Variants in RNASEH1 observed in about 807,000 individuals in gnomAD.
RNASEH1 encodes the protein ribonuclease H type II.
Under a neutral mutation model 34.6 loss-of-function variants are expected in RNASEH1, and 27 were observed. That is an observed-to-expected ratio of 0.78 (90% CI 0.58 to 1.08). RNASEH1 has a LOEUF of 1.08. Among genes scored for constraint, RNASEH1 ranks in the 50% least tolerant of loss-of-function variants. The pLI is 0.00. For missense variants in RNASEH1, 349 were observed against 373.6 expected, an observed-to-expected ratio of 0.93 and a Z score of 0.54; for synonymous variants, 162 against 138.4, an observed-to-expected ratio of 1.17 and a Z score of -1.20.
intron 2 of RNASEH1, among the ~76,000 whole-genome samples, chr2:3,553,738 A>G (rs1382993235): frequency 6.6e-6 from 1 of 151,972 alleles, no homozygotes; most frequent in Non-Finnish European, 1.5e-5. Context: ...AAGGGCCCAT[A>G]TCTCACTCAC....
chr2:3,545,079 TCTTA>T lies in RNASEH1; in HGVS notation c.*702_*705del, dbSNP rs958379548. 2 of 148,786 alleles carry T rather than the reference TCTTA, an allele frequency of 1.3e-5. No homozygotes were observed. Among genetic ancestry groups the T allele is most frequent in the African/African-American group, 4.9e-5 (2 of 40,864 alleles). The allele number at this position is 148,786 out of a possible 1,614,324, so 9.2% of individuals were successfully genotyped here. A position where few individuals can be genotyped will look rare whatever the true frequency, so the allele number is the denominator to read the frequency against. ...AGTGAGCCACTGTGCCCAGCCGGTG[TCTTA>T]CTTTTTTTTTTTTTTTTTTAATTTG... is the stretch of plus-strand genomic sequence containing the variant. On this transcript the variant is annotated 3_prime_UTR_variant, in exon 8 of 8. Transcript: ENST00000315212.
At chr2:3,536,405 T>C in the RNASEH1 span, among the ~76,000 whole-genome samples, 1 of 151,074 alleles carries the variant, frequency 6.6e-6, no homozygotes, top group African/African-American at 2.4e-5. Context: ...GGGACCAAGC[T>C]TGAGTCCACC....
chr2:3,546,958 A>G (rs963045889), intron 7 of RNASEH1, among the ~76,000 whole-genome samples: 2 of 152,170 alleles, frequency 1.3e-5, no homozygotes, highest in African/African-American at 4.8e-5. Context: ...CTCCATCGCT[A>G]CTAAAAATAC....
At position 3,544,429 on chromosome 2, in the gene RNASEH1, C is replaced by T. The variant is rs928313364; in HGVS notation, c.*1356G>A. ...TAAACGGCAGGGAAAACAGTGAGGC[C>T]GACGGGACTGCAAATGGACACTGAA... On this transcript the variant is annotated 3_prime_UTR_variant, in exon 8 of 8. Transcript: ENST00000315212. Among the ~76,000 whole-genome samples, 9 of 151,824 alleles carry T rather than the reference C, an allele frequency of 5.9e-5. No individual in the cohort carries two copies. The East Asian group carries it at 1.2e-3, about 20-fold the overall frequency.
rs767906431 is a variant in RNASEH1, at chr2:3,552,254, C to G, written c.299G>C (p.Arg100Pro). The G allele has an allele frequency of 6.2e-7, 1 of 1,614,010 alleles. No individual in the cohort carries two copies. Among genetic ancestry groups the G allele is most frequent in the South Asian group, 1.1e-5 (1 of 91,078 alleles). Residue 100 changes from arginine (R) to proline (P), a missense_variant, in exon 3 of 8, where the codon CGT becomes CCT. Physicochemically the swap from Arg to Pro is moderately radical, Grantham distance 103 (BLOSUM62 -2). Transcript: ENST00000315212. Reference protein sequence around the residue: ...ESEAKASKRLREPLDGDGHES... With the variant: ...ESEAKASKRLPEPLDGDGHES... ...ATGTCCATCTCCATCCAGTGGCTCA[C>G]GGAGTCGCTTGCTGGCTTTCGCCTC...
chr2:3,541,068 A>C (rs1336216435), downstream of RNASEH1, among the ~76,000 whole-genome samples: 20 of 152,024 alleles, frequency 1.3e-4, no homozygotes, highest in Admixed American at 1.2e-3. Context: ...CTGGGCTCAC[A>C]CTGTAATCCC....
At chr2:3,539,368 A>G (rs372512752), downstream of RNASEH1, among the ~76,000 whole-genome samples, 1 of 152,128 alleles carries the variant, frequency 6.6e-6, no homozygotes, top group African/African-American at 2.4e-5. Context: ...ACCACCATAT[A>G]CTGGCGGCTT....
intron 3 of RNASEH1, 70 bp downstream of exon 3, chr2:3,552,074 G>A (rs1475337643): frequency 2.2e-6 from 3 of 1,333,486 alleles, no homozygotes; most frequent in Non-Finnish European, 3.1e-6. Flanking sequence ...CCATCAAGTG[G>A]GAAACACCTT....
intron 2 of RNASEH1, among the ~76,000 whole-genome samples, chr2:3,554,237 G>A (rs990793169): frequency 1.3e-5 from 2 of 152,136 alleles, no homozygotes; most frequent in African/African-American, 4.8e-5. Flanking sequence ...GTTCCTCTAG[G>A]TACTCTACTG....
intron 2 of RNASEH1, among the ~76,000 whole-genome samples, chr2:3,553,352 C>T (rs1660174506): frequency 6.6e-6 from 1 of 151,702 alleles, no homozygotes; most frequent in African/African-American, 2.4e-5. Flanking sequence ...TTTTCTTCTG[C>T]AACGAAGTTT....
Position 3,542,057 on chromosome 2 carries a change from A to G in RNASEH1, c.*3728T>C, listed in dbSNP as rs1668352334. ...TTAAAACTCAAAAAGAAACAAAGAA[A>G]GAGATAAAAGAGATTCAAGAGACAG... On this transcript the variant is annotated 3_prime_UTR_variant, in exon 8 of 8. Transcript: ENST00000315212. 6.6e-6 allele frequency among the ~76,000 whole-genome samples: 1 copy of G among 152,210 alleles called. No individual in the cohort carries two copies. The highest frequency in any genetic ancestry group is 2.1e-4 in the South Asian group (1 of 4,836).
Position 3,543,397 on chromosome 2 carries a change from T to A in RNASEH1, c.*2388A>T, listed in dbSNP as rs1668457428. Among the ~76,000 whole-genome samples the A allele has an allele frequency of 6.6e-6, 1 of 152,142 alleles. No individual in the cohort carries two copies. The highest frequency in any genetic ancestry group is 2.4e-5 in the African/African-American group (1 of 41,428). On this transcript the variant is annotated 3_prime_UTR_variant, in exon 8 of 8. Coordinates refer to ENST00000315212, the MANE Select transcript of RNASEH1 (RefSeq NM_002936.6). ...GGTTTGGAGCAGAAGCTCTATAAATTGGGCCTAGAGCATCTTGACATGCCA... is the reference window on the plus strand; with the variant it reads ...GGTTTGGAGCAGAAGCTCTATAAATAGGGCCTAGAGCATCTTGACATGCCA...
intron 1 of RNASEH1, among the ~76,000 whole-genome samples, chr2:3,557,297 A>AG (rs1660608825): frequency 6.6e-6 from 1 of 152,186 alleles, no homozygotes; most frequent in South Asian, 2.1e-4. Context: ...TTGCGTGAAA[A>AG]GGGCAGAGTC....
chr2:3,556,936 T>A, intron 1 of RNASEH1, 32 bp from the exon 2 acceptor site: 1 of 1,475,038 alleles, frequency 6.8e-7, no homozygotes, highest in Non-Finnish European at 9.5e-7. Context: ...ATTTCCTTCT[T>A]CCTTCTCTAA....
intron 1 of RNASEH1, among the ~76,000 whole-genome samples, chr2:3,557,172 G>C (rs1660595854): frequency 6.6e-6 from 1 of 152,114 alleles, no homozygotes; most frequent in African/African-American, 2.4e-5. Flanking sequence ...CTATATAGTT[G>C]TATTGTCTTT....
At chr2:3,547,303 G>A (rs534767764) in intron 7 of RNASEH1, among the ~76,000 whole-genome samples, 1 of 152,160 alleles carries the variant, frequency 6.6e-6, no homozygotes, top group South Asian at 2.1e-4. Flanking sequence ...TCAGTGTCCT[G>A]AGTAACTAGA....
At position 3,544,057 on chromosome 2, in the gene RNASEH1, T is replaced by G. The variant is rs983411617; in HGVS notation, c.*1728A>C. ...TTCCTATATGAACTGTACCACTGGG[T>G]AACCAGATAAGTATAAAAAAGAAAA... On this transcript the variant is annotated 3_prime_UTR_variant, in exon 8 of 8. Coordinates refer to ENST00000315212, the MANE Select transcript of RNASEH1 (RefSeq NM_002936.6). Among the ~76,000 whole-genome samples the G allele has an allele frequency of 6.6e-6, 1 of 152,184 alleles. No homozygotes were observed. The highest frequency in any genetic ancestry group is 6.5e-5 in the Admixed American group (1 of 15,282).
At chr2:3,556,508 T>C (rs542784860) in intron 2 of RNASEH1, among the ~76,000 whole-genome samples, 50 of 152,166 alleles carry the variant, frequency 3.3e-4, no homozygotes, top group Admixed American at 9.2e-4. Flanking sequence ...TTTCATCATG[T>C]TGGCCAGGCT....
At chr2:3,551,502 C>T (rs185015251) in intron 3 of RNASEH1, among the ~76,000 whole-genome samples, 7 of 152,314 alleles carry the variant, frequency 4.6e-5, no homozygotes, top group Admixed American at 2.6e-4. Flanking sequence ...TCTTTTTTTA[C>T]GTAACTGCAA....
Sources: allele counts gnomAD v4.1 joint callset (sites outside exome capture counted in the v4.1 genomes callset), GRCh38; gene constraint gnomAD v4.1.1; transcripts MANE v1.5; gene names NCBI Gene and HGNC (gene_info 2026-07-23, HGNC 2026-07-21).